Variants in SYBU observed in about 807,000 individuals in gnomAD.
SYBU encodes the protein GOLSYN A protein.
SYBU carries 21 observed loss-of-function variants against 35.9 expected under a neutral mutation model. That is an observed-to-expected ratio of 0.58 (90% CI 0.41 to 0.84). The LOEUF (loss-of-function observed/expected upper bound fraction) is 0.84. Among genes scored for constraint, SYBU ranks in the 40% least tolerant of loss-of-function variants. The pLI, the probability that SYBU is intolerant of heterozygous loss-of-function variation, is 0.00. For synonymous variants in SYBU, 319 were observed against 324.3 expected, an observed-to-expected ratio of 0.98 and a Z score of 0.18; for missense variants, 768 against 848.2, an observed-to-expected ratio of 0.91 and a Z score of 1.17.
intron 1 of SYBU, among the ~76,000 whole-genome samples, chr8:109,676,694 ATGAT>A (rs1455044263): frequency 3.3e-5 from 5 of 152,208 alleles, no homozygotes; most frequent in African/African-American, 7.2e-5. Flanking sequence ...ACAAATATAA[ATGAT>A]TGAGAATTCA....
upstream of SYBU, among the ~76,000 whole-genome samples, chr8:109,683,554 T>A (rs376638910): frequency 6.6e-6 from 1 of 152,184 alleles, no homozygotes. Context: ...CAGAAGGGAC[T>A]TGCTTTGTTT....
chr8:109,579,680 A>T, intron 5 of SYBU, 119 bp downstream of exon 5: 1 of 902,318 alleles, frequency 1.1e-6, no homozygotes, highest in Non-Finnish European at 1.7e-6. Context: ...AGAAAAATGC[A>T]GTGTCTTGTA....
chr8:109,635,264 C>A (rs142450464), intron 2 of SYBU, among the ~76,000 whole-genome samples: 3 of 152,154 alleles, frequency 2.0e-5, no homozygotes, highest in African/African-American at 7.2e-5. Flanking sequence ...CTTAATCTTG[C>A]GGTGATACCT....
At chr8:109,590,527 G>A (rs1221917008) in intron 3 of SYBU, among the ~76,000 whole-genome samples, 2 of 151,158 alleles carry the variant, frequency 1.3e-5, no homozygotes, top group East Asian at 1.9e-4. Context: ...TTTAATTGAC[G>A]GAGCTGCCAT....
At chr8:109,582,560 C>T (rs1823158672) in intron 4 of SYBU, among the ~76,000 whole-genome samples, 1 of 152,166 alleles carries the variant, frequency 6.6e-6, no homozygotes, top group Non-Finnish European at 1.5e-5. Flanking sequence ...ACTAGAAGGT[C>T]ATAGACAGAG....
At chr8:109,608,136 G>C in intron 3 of SYBU, 3 of 531,396 alleles carry the variant, frequency 5.6e-6, no homozygotes, top group Non-Finnish European at 9.9e-6. Flanking sequence ...GGGAAAGCCA[G>C]CCTATCAGGG....
intron 1 of SYBU, 44 bp from the exon 2 acceptor site, chr8:109,642,976 T>C: frequency 6.9e-7 from 1 of 1,453,220 alleles, no homozygotes; most frequent in Non-Finnish European, 9.1e-7. Flanking sequence ...GAAACGCGTT[T>C]CCCTCTCTTA....
upstream of SYBU, chr8:109,646,821 A>G (rs1236082078): frequency 2.0e-5 from 3 of 152,218 alleles, no homozygotes; most frequent in Non-Finnish European, 4.4e-5. Flanking sequence ...TGACCCACAC[A>G]TAGCATAAAC....
intron 1 of SYBU, among the ~76,000 whole-genome samples, chr8:109,676,074 C>T (rs748216183): frequency 2.0e-5 from 3 of 152,056 alleles, no homozygotes; most frequent in South Asian, 4.1e-4. Flanking sequence ...AAAAGGCCTT[C>T]GATAAAATTC....
chr8:109,590,916 C>T (rs942908158), intron 3 of SYBU, among the ~76,000 whole-genome samples: 2 of 152,280 alleles, frequency 1.3e-5, no homozygotes, highest in East Asian at 1.9e-4. Flanking sequence ...CTGTTTTCAT[C>T]TATCTGATAG....
At chr8:109,674,077 G>T (rs1236411619) in intron 1 of SYBU, among the ~76,000 whole-genome samples, 1 of 152,022 alleles carries the variant, frequency 6.6e-6, no homozygotes, top group East Asian at 1.9e-4. Context: ...AAACTGATGG[G>T]GATAATGGAA....
intron 1 of SYBU, among the ~76,000 whole-genome samples, chr8:109,675,264 G>C (rs185621911): frequency 3.3e-5 from 5 of 152,240 alleles, no homozygotes; most frequent in African/African-American, 9.6e-5. Flanking sequence ...TCAAAAGCTA[G>C]CAGAAGACAA....
chr8:109,608,012 A>G, intron 3 of SYBU: 1 of 1,504,272 alleles, frequency 6.6e-7, no homozygotes, highest in Non-Finnish European at 8.9e-7. Flanking sequence ...CAGTGTGTGC[A>G]GCTCATATCT....
At chr8:109,640,531 C>T (rs549824234) in intron 2 of SYBU, among the ~76,000 whole-genome samples, 11 of 152,206 alleles carry the variant, frequency 7.2e-5, no homozygotes, top group African/African-American at 2.6e-4. Context: ...TCCACACTCA[C>T]CAGGGTGAGC....
At chr8:109,576,544 T>A (rs1375385153) in intron 6 of SYBU, among the ~76,000 whole-genome samples, 1 of 152,236 alleles carries the variant, frequency 6.6e-6, no homozygotes, top group Non-Finnish European at 1.5e-5. Context: ...GGTAGACTGA[T>A]AAGTTTTAGC....
intron 2 of SYBU, among the ~76,000 whole-genome samples, chr8:109,625,077 T>C (rs1812837765): frequency 1.3e-5 from 2 of 152,188 alleles, no homozygotes; most frequent in South Asian, 2.1e-4. Context: ...CAAGGAATTA[T>C]GTTAATCATG....
intron 3 of SYBU, among the ~76,000 whole-genome samples, chr8:109,597,610 T>G (rs2703375): frequency 0.38 from 57,997 of 151,090 alleles, 13,133 homozygotes; most frequent in African/African-American, 0.62. Flanking sequence ...ACTACTCAGG[T>G]GACTGAGGTG....
intron 1 of SYBU, among the ~76,000 whole-genome samples, chr8:109,668,190 G>GAGAGAGAGAAAGAGAGAGAGAA: frequency 6.6e-6 from 1 of 150,486 alleles, no homozygotes; most frequent in South Asian, 2.1e-4. Flanking sequence ...GAGAGAGAGA[G>GAGAGAGAGAAAGAGAGAGAGAA]AGAGAGAGAG....
rs1822186408 is a variant in SYBU, at chr8:109,575,649, C to T, written c.1249G>A (p.Glu417Lys). Residue 417 changes from glutamate (E) to lysine (K), a missense_variant, in exon 7 of 7, where the codon GAA becomes AAA. Glu to Lys is a moderately conservative substitution (Grantham distance 56, BLOSUM62 1). Transcript: ENST00000276646. ...LDTMADGLSLEEQVTGEGADR... is the reference protein window; with the variant it reads ...LDTMADGLSLKEQVTGEGADR... ...GCCCCTTCCCCCGTGACCTGCTCTT[C>T]CAGAGATAACCCATCTGCCATTGTG... is the stretch of plus-strand genomic sequence containing the variant. The T allele has an allele frequency of 1.9e-6, 3 of 1,613,976 alleles. No individual in the cohort carries two copies. Among genetic ancestry groups the T allele is most frequent in the Non-Finnish European group, 2.5e-6 (3 of 1,180,018 alleles).
Sources: gnomAD v4.1 joint callset for allele counts (sites outside exome capture counted in the v4.1 genomes callset) on GRCh38, gnomAD v4.1.1 for gene constraint, MANE v1.5 for transcripts, NCBI Gene and HGNC (gene_info 2026-07-23, HGNC 2026-07-21) for gene names.